The following EHD4 variants were observed in gnomAD, a reference collection of about 807,000 sequenced individuals.
EHD4 encodes EH domain containing 4, also known as EH domain-containing protein 4.
In EHD4, 37 loss-of-function variants were observed where a neutral mutation model predicts 51.0. That is an observed-to-expected ratio of 0.73 (90% CI 0.56 to 0.95). EHD4 has a LOEUF of 0.95. Ranked by LOEUF, EHD4 falls within the 40% of genes least tolerant of loss-of-function variation. EHD4 has a pLI of 0.00. For synonymous variants in EHD4, 297 were observed against 317.3 expected, an observed-to-expected ratio of 0.94 and a Z score of 0.68; for missense variants, 632 against 733.1, an observed-to-expected ratio of 0.86 and a Z score of 1.59.
intron 3 of EHD4, among the ~76,000 whole-genome samples, chr15:41,923,451 C>T (rs779764040): frequency 1.3e-5 from 2 of 152,168 alleles, no homozygotes; most frequent in East Asian, 1.9e-4. Flanking sequence ...TAAAGGAAAA[C>T]GGTGATTCAG....
chr15:41,963,627 G>C (rs2067942193), intron 1 of EHD4, among the ~76,000 whole-genome samples: 1 of 149,628 alleles, frequency 6.7e-6, no homozygotes, highest in African/African-American at 2.4e-5. Context: ...GAATATGAGT[G>C]AACATTTCCT....
At chr15:41,948,263 A>C (rs933108976) in intron 2 of EHD4, among the ~76,000 whole-genome samples, 1 of 152,046 alleles carries the variant, frequency 6.6e-6, no homozygotes, top group African/African-American at 2.4e-5. Flanking sequence ...CAAAAAAAAA[A>C]CCACGATGGT....
chr15:41,917,595 G>A (rs1231208924), intron 4 of EHD4, among the ~76,000 whole-genome samples: 1 of 152,210 alleles, frequency 6.6e-6, no homozygotes, highest in Non-Finnish European at 1.5e-5. Flanking sequence ...AATGTGGGGT[G>A]TCACACACCT....
intron 3 of EHD4, among the ~76,000 whole-genome samples, chr15:41,933,243 A>ATGCC (rs969508546): frequency 5.5e-4 from 83 of 152,250 alleles, no homozygotes; most frequent in African/African-American, 1.7e-3. Flanking sequence ...GATGGTCGAG[A>ATGCC]TGCCTGCCTG....
rs144645917 is a variant in EHD4 at position 41,972,342 on chromosome 15, A to G, written c.153T>C (p.Pro51=). The G allele has an allele frequency of 1.4e-4, 218 of 1,611,408 alleles. 1 individual carries two copies. The African/African-American group carries it at 2.7e-3, about 20-fold the overall frequency. The change falls in exon 1 of 6, where the codon CCT becomes CCC. Residue 51 remains proline, a synonymous_variant. Transcript: ENST00000220325. ...TCTCGAAGTCGGCGTCCTCCAGCGC[A>G]GGCGAGTGGAACTCGTGGAAGCGGT... ...EAYRFHEFHS[P]ALEDADFENK...
chr15:41,967,840 A>G (rs2067969806), intron 1 of EHD4, among the ~76,000 whole-genome samples: 1 of 152,198 alleles, frequency 6.6e-6, no homozygotes, highest in African/African-American at 2.4e-5. Flanking sequence ...ACAATTTCTT[A>G]AAAGCCACCA....
chr15:41,916,002 C>T (rs140124448), intron 4 of EHD4, among the ~76,000 whole-genome samples: 344 of 152,280 alleles, frequency 2.3e-3, no homozygotes, highest in African/African-American at 7.9e-3. Context: ...TATGACACTT[C>T]GAGTTTGATT....
chr15:41,937,109 G>A (rs1032826748), intron 3 of EHD4, among the ~76,000 whole-genome samples: 1 of 152,216 alleles, frequency 6.6e-6, no homozygotes, highest in African/African-American at 2.4e-5. Flanking sequence ...ATCCACGCCT[G>A]TGGCTGCATG....
chr15:41,938,184 C>T (rs1270375450), intron 3 of EHD4, among the ~76,000 whole-genome samples: 1 of 152,198 alleles, frequency 6.6e-6, no homozygotes, highest in African/African-American at 2.4e-5. Context: ...TTTGAATTTT[C>T]AGTTTCAAGA....
chr15:41,946,670 G>C (rs571981624), intron 2 of EHD4, among the ~76,000 whole-genome samples: 4 of 152,332 alleles, frequency 2.6e-5, no homozygotes, highest in African/African-American at 7.2e-5. Flanking sequence ...GAGCTGCAGT[G>C]AGCTTTGATG....
chr15:41,965,985 T>C (rs2067959797), intron 1 of EHD4, among the ~76,000 whole-genome samples: 1 of 104,892 alleles, frequency 9.5e-6, no homozygotes, highest in East Asian at 3.2e-4. Flanking sequence ...CAGCCCCGCC[T>C]ACCCTGCAGC....
intron 1 of EHD4, among the ~76,000 whole-genome samples, chr15:41,962,799 A>T (rs2067934210): frequency 6.6e-6 from 1 of 152,130 alleles, no homozygotes; most frequent in Non-Finnish European, 1.5e-5. Flanking sequence ...AGGTGTACCC[A>T]ACAGCTCATT....
intron 1 of EHD4, among the ~76,000 whole-genome samples, chr15:41,959,961 CAAAAA>C (rs575509600): frequency 1.7e-5 from 1 of 58,016 alleles, no homozygotes. Flanking sequence ...GACTCCACCT[CAAAAA>C]AAAAAAAAAA....
intron 2 of EHD4, among the ~76,000 whole-genome samples, chr15:41,944,670 C>A (rs1202638660): frequency 6.6e-6 from 1 of 152,160 alleles, no homozygotes; most frequent in Non-Finnish European, 1.5e-5. Flanking sequence ...ACATTAGGAT[C>A]CTTTTGCAGG....
chr15:41,950,852 C>T (rs1352784828), intron 2 of EHD4, among the ~76,000 whole-genome samples: 4 of 152,166 alleles, frequency 2.6e-5, no homozygotes, highest in South Asian at 2.1e-4. Context: ...TCTTTGCTTT[C>T]GGCCTTCTCA....
chr15:41,964,001 C>T lies in EHD4; in HGVS notation c.236+8258G>A, dbSNP rs559513910. ...TCTTCTAAAAATGCAAAAAATTAGC[C>T]GGGAGTGGTGGTGGGCGCCTGTAGT... On this transcript the variant is annotated intron_variant, in intron 1 of 5. Coordinates refer to ENST00000220325, the MANE Select transcript of EHD4 (RefSeq NM_139265.4). 9.2e-5 allele frequency among the ~76,000 whole-genome samples: 14 copies of T among 151,728 alleles called. 1 individual carries two copies. The highest frequency in any genetic ancestry group is 2.7e-4 in the African/African-American group (11 of 41,362).
chr15:41,904,359 G>C (rs1477725716), intron 5 of EHD4, among the ~76,000 whole-genome samples: 1 of 151,882 alleles, frequency 6.6e-6, no homozygotes, highest in African/African-American at 2.4e-5. Flanking sequence ...CATCCCTGTG[G>C]TCCCCCCCAG....
intron 2 of EHD4, among the ~76,000 whole-genome samples, chr15:41,944,234 T>A (rs1173214782): frequency 1.3e-5 from 2 of 152,194 alleles, no homozygotes; most frequent in Non-Finnish European, 2.9e-5. Flanking sequence ...GATGTCCTTT[T>A]AGCTTTCAGA....
intron 5 of EHD4, among the ~76,000 whole-genome samples, chr15:41,902,867 G>A (rs2067487309): frequency 6.7e-6 from 1 of 149,728 alleles, no homozygotes; most frequent in African/African-American, 2.5e-5. Context: ...GAGAGGAAGG[G>A]AATAATCACA....
Sources: gnomAD v4.1 joint callset for allele counts (sites outside exome capture counted in the v4.1 genomes callset) on GRCh38, gnomAD v4.1.1 for gene constraint, MANE v1.5 for transcripts, NCBI Gene and HGNC (gene_info 2026-07-23, HGNC 2026-07-21) for gene names.